GTPBP10: variants seen among roughly 807,000 people sequenced by gnomAD.
The protein encoded by GTPBP10 is GTP-binding protein 10.
A neutral mutation model predicts 44.8 loss-of-function variants in GTPBP10; 38 were observed. The ratio of observed to expected loss-of-function variants is 0.85; its 90% CI spans 0.65 to 1.11. The LOEUF is 1.11. Among genes scored for constraint, GTPBP10 ranks in the 50% most tolerant of loss-of-function variants. The pLI is 0.00. For missense variants in GTPBP10, 462 were observed against 453.7 expected (o/e 1.02, Z -0.17); for synonymous variants, 152 against 150.6 (o/e 1.01, Z -0.07).
chr7:90,356,180 C>T (rs1019357936), intron 4 of GTPBP10, among the ~76,000 whole-genome samples: 10 of 152,236 alleles, frequency 6.6e-5, no homozygotes, highest in East Asian at 1.9e-4. Context: ...CTGTATCCCT[C>T]GTCTTTTGCC....
Position 90,391,376 on chromosome 7 carries a change from T to C in GTPBP10, c.*6222T>C, listed in dbSNP as rs1796613260. ...ATATACACAGCTATGATAAAGTTCA[T>C]AAATTAGGCACAGTAAGAGATTAAA... On this transcript the variant is annotated 3_prime_UTR_variant, in exon 10 of 10. Coordinates refer to ENST00000222511, the MANE Select transcript of GTPBP10 (RefSeq NM_033107.4). 1 of 152,176 alleles carries C rather than the reference T, an allele frequency of 6.6e-6. No homozygotes were observed. The highest frequency in any genetic ancestry group is 1.9e-4 in the East Asian group (1 of 5,196). 9.4% of individuals were successfully genotyped at this position (152,176 alleles called of 1,614,324 possible).
chr7:90,377,408 A>G, intron 6 of GTPBP10, 99 bp from the exon 7 acceptor site: 1 of 691,028 alleles, frequency 1.4e-6, no homozygotes. Flanking sequence ...TAAGTTAGGA[A>G]CTGTTTATAT....
intron 6 of GTPBP10, among the ~76,000 whole-genome samples, chr7:90,377,011 G>C (rs1319763086): frequency 6.6e-6 from 1 of 152,172 alleles, no homozygotes; most frequent in Non-Finnish European, 1.5e-5. Context: ...ATCACTTGAG[G>C]ATAGGAGTTT....
rs926499925 is a variant in GTPBP10 at position 90,385,517 on chromosome 7, T to C, written c.*363T>C. The C allele has an allele frequency of 1.8e-5, 3 of 165,992 alleles. No homozygotes were observed. Among genetic ancestry groups the C allele is most frequent in the African/African-American group, 7.2e-5 (3 of 41,756 alleles). The allele number at this position is 165,992 out of a possible 1,614,324, so 10.3% of individuals were successfully genotyped here. A position where few individuals can be genotyped will look rare whatever the true frequency, so the allele number is the denominator to read the frequency against. On this transcript the variant is annotated 3_prime_UTR_variant, in exon 10 of 10. Coordinates refer to ENST00000222511, the MANE Select transcript of GTPBP10 (RefSeq NM_033107.4). ...TAAGTGGTTTTTCCAAAAAAGCACA[T>C]AAGGTAATGCACGTTAATTAGCTAT...
intron 4 of GTPBP10, among the ~76,000 whole-genome samples, chr7:90,368,771 A>T (rs917989899): frequency 6.6e-6 from 1 of 152,188 alleles, no homozygotes; most frequent in African/African-American, 2.4e-5. Context: ...TTTTATTACC[A>T]ACCTTCTGAA....
chr7:90,351,677 G>T (rs546782656), intron 1 of GTPBP10, among the ~76,000 whole-genome samples: 7 of 152,102 alleles, frequency 4.6e-5, no homozygotes, highest in Non-Finnish European at 1.0e-4. Context: ...GTAGTACTAA[G>T]AATTTTTTAC....
At chr7:90,372,550 T>A (rs1371445084) in intron 5 of GTPBP10, among the ~76,000 whole-genome samples, 2 of 147,192 alleles carry the variant, frequency 1.4e-5, no homozygotes, top group Non-Finnish European at 3.0e-5. Context: ...ACTCCTAGGC[T>A]CAAGTGATCT....
chr7:90,371,669 A>T (rs1295847520), intron 4 of GTPBP10, among the ~76,000 whole-genome samples: 1 of 152,200 alleles, frequency 6.6e-6, no homozygotes, highest in Non-Finnish European at 1.5e-5. Context: ...TTCTATTCAA[A>T]CCAAATTTTA....
chr7:90,378,348 G>T, intron 8 of GTPBP10, 137 bp downstream of exon 8: 1 of 1,146,686 alleles, frequency 8.7e-7, no homozygotes. Flanking sequence ...ACTTAAACTT[G>T]TTGTCTCCAT....
At chr7:90,348,155 A>G (rs1795717621) in intron 1 of GTPBP10, among the ~76,000 whole-genome samples, 1 of 152,200 alleles carries the variant, frequency 6.6e-6, no homozygotes, top group South Asian at 2.1e-4. Flanking sequence ...AGGCTGCAGC[A>G]ATGATAGTGC....
rs563092357 is a variant in GTPBP10 at position 90,377,766 on chromosome 7, A to G, written c.699+152A>G. 13 of 622,438 alleles carry G rather than the reference A, an allele frequency of 2.1e-5. No homozygotes were observed. The South Asian group carries it at 2.4e-4, about 12-fold the overall frequency. 38.6% of individuals were successfully genotyped at this position (622,438 alleles called of 1,614,324 possible). A position where few individuals can be genotyped will look rare whatever the true frequency, so the allele number is the denominator to read the frequency against. On this transcript the variant is annotated intron_variant, in intron 7 of 9. Transcript: ENST00000222511. ...GGGGATGGAAGTGACATTGTTTACT[A>G]TATCATATGTAAGTTTGGCCATACT...
chr7:90,360,288 C>T (rs1450071352), intron 4 of GTPBP10, among the ~76,000 whole-genome samples: 1 of 152,166 alleles, frequency 6.6e-6, no homozygotes, highest in Non-Finnish European at 1.5e-5. Context: ...TCATTTAAGT[C>T]TTTAATCCAT....
chr7:90,358,612 A>G (rs1295241987), intron 4 of GTPBP10, among the ~76,000 whole-genome samples: 1 of 152,204 alleles, frequency 6.6e-6, no homozygotes. Context: ...ATATACGAAA[A>G]TTAAGATAGA....
intron 1 of GTPBP10, 87 bp from the exon 2 acceptor site, chr7:90,352,729 G>A (rs182023563): frequency 9.4e-5 from 97 of 1,033,504 alleles, no homozygotes; most frequent in Non-Finnish European, 1.3e-4. Flanking sequence ...TTTTTTAGAA[G>A]AAGTTTTAGT....
chr7:90,382,752 G>A (rs1796454367), intron 8 of GTPBP10, among the ~76,000 whole-genome samples: 1 of 152,110 alleles, frequency 6.6e-6, no homozygotes. Context: ...CTGTCTCTAG[G>A]ATATCATTTA....
rs1040046125 is a variant in GTPBP10 at position 90,385,162 on chromosome 7, A to C, written c.*8A>C. The C allele has an allele frequency of 3.3e-5, 51 of 1,569,152 alleles. No individual in the cohort carries two copies. The highest frequency in any genetic ancestry group is 4.3e-5 in the Non-Finnish European group (50 of 1,152,048). On this transcript the variant is annotated 3_prime_UTR_variant, in exon 10 of 10. Coordinates refer to ENST00000222511, the MANE Select transcript of GTPBP10 (RefSeq NM_033107.4). Reference sequence around the variant, plus strand: ...AAAATGGATATAATTTAAATATATTAAAAATGGTATTGATGGAACAGTATT... The same window carrying C: ...AAAATGGATATAATTTAAATATATTCAAAATGGTATTGATGGAACAGTATT...
chr7:90,365,363 GTTTTCTTTTTT>G (rs774393801), intron 4 of GTPBP10, among the ~76,000 whole-genome samples: 2 of 114,462 alleles, frequency 1.7e-5, no homozygotes, highest in Admixed American at 9.3e-5. Flanking sequence ...AGACTTTGGG[GTTTTCTTTTTT>G]TTTTTTTTTT....
chr7:90,355,076 T>C lies in GTPBP10; in HGVS notation c.320-10T>C, dbSNP rs1051493209. 8 of 1,526,300 alleles carry C rather than the reference T, an allele frequency of 5.2e-6. No individual in the cohort carries two copies. In the African/African-American group the frequency reaches 1.1e-4, roughly 21 times the overall value. The allele number at this position is 1,526,300 out of a possible 1,614,324, so 94.5% of individuals were successfully genotyped here. A position where few individuals can be genotyped will look rare whatever the true frequency, so the allele number is the denominator to read the frequency against. Reference sequence around the variant, plus strand: ...TCTTTGCTGTAAGTATTTCTCTCCCTCTTTTTAAGGAGAACTCAATAAAGA... The same window carrying C: ...TCTTTGCTGTAAGTATTTCTCTCCCCCTTTTTAAGGAGAACTCAATAAAGA... On this transcript the variant is annotated splice_polypyrimidine_tract_variant and intron_variant, in intron 3 of 9. Transcript: ENST00000222511.
Position 90,362,732 on chromosome 7 carries a change from G to A in GTPBP10, c.464+7502G>A, listed in dbSNP as rs1053527467. Among the ~76,000 whole-genome samples the A allele has an allele frequency of 3.3e-5, 5 of 152,148 alleles. No individual in the cohort carries two copies. In the South Asian group the frequency reaches 1.0e-3, roughly 32 times the overall value. On this transcript the variant is annotated intron_variant, in intron 4 of 9. Coordinates refer to ENST00000222511, the MANE Select transcript of GTPBP10 (RefSeq NM_033107.4). The stretch of plus-strand genomic sequence containing the variant: ...TGATCTGTCTAATGTTGACAGTGGG[G>A]TGTTAAAGTCTCCCATTATTATTGT...
Sources: allele counts gnomAD v4.1 joint callset (sites outside exome capture counted in the v4.1 genomes callset), GRCh38; gene constraint gnomAD v4.1.1; transcripts MANE v1.5; gene names NCBI Gene and HGNC (gene_info 2026-07-23, HGNC 2026-07-21).